ABLIM2: variants seen among roughly 807,000 people sequenced by gnomAD.
The protein encoded by ABLIM2 is actin-binding LIM protein 2.
ABLIM2 carries 53 observed loss-of-function variants against 97.7 expected under a neutral mutation model. The observed-to-expected ratio is 0.54, with a 90% confidence interval of 0.44 to 0.68. The LOEUF is 0.68. ABLIM2 is among the 30% of genes least tolerant of loss of function. The pLI is 0.00. For missense variants in ABLIM2, 835 were observed against 867.2 expected (o/e 0.96, Z 0.47); for synonymous variants, 361 against 345.8 (o/e 1.04, Z -0.49).
In ABLIM2 at chr4:8,140,182, C is replaced by T. The variant is rs948083739; in HGVS notation, c.10+18498G>A. ...ATACCTTGGTGTGGGTTAACAGGTG[C>T]GGCAAACCACCATGGCACACGTTTA... is the stretch of plus-strand genomic sequence containing the variant. On this transcript the variant is annotated intron_variant, in intron 1 of 20. Transcript: ENST00000447017. The surrounding 1 kb of genome is among the most constrained non-coding windows in gnomAD (Gnocchi z 5.9). Among the ~76,000 whole-genome samples the T allele has an allele frequency of 3.9e-5, 6 of 152,066 alleles. No homozygotes were observed. In the South Asian group the frequency reaches 8.3e-4, roughly 21 times the overall value.
rs938584994 is a variant in ABLIM2, at chr4:8,069,769, A to G, written c.675+7859T>C. The stretch of plus-strand genomic sequence containing the variant: ...TGTCTGTGTACGTTTCGGTGTGTCC[A>G]TGCATGTTGTCTGTGTCTCTCCGTG... On this transcript the variant is annotated intron_variant, in intron 6 of 20. Transcript: ENST00000447017. This position sits in a 1 kb window ranked among gnomAD's most constrained non-coding sequence, Gnocchi z 4.2. 1.3e-5 allele frequency among the ~76,000 whole-genome samples: 2 copies of G among 149,202 alleles called. No individual in the cohort carries two copies. The highest frequency in any genetic ancestry group is 3.0e-5 in the Non-Finnish European group (2 of 67,418).
At chr4:8,035,585 A>G (rs1240500525) in intron 10 of ABLIM2, among the ~76,000 whole-genome samples, 2 of 152,206 alleles carry the variant, frequency 1.3e-5, no homozygotes, top group Non-Finnish European at 2.9e-5. Flanking sequence ...GCAAAAACCA[A>G]CAAGGCATTC....
intron 8 of ABLIM2, among the ~76,000 whole-genome samples, chr4:8,050,290 C>T (rs1469430825): frequency 6.6e-6 from 1 of 152,196 alleles, no homozygotes; most frequent in African/African-American, 2.4e-5. Context: ...GTGGACAGGT[C>T]CTTGTCCTGG....
In ABLIM2 at chr4:8,046,435, C is replaced by G. The variant is rs901769155; in HGVS notation, c.823-1194G>C. On this transcript the variant is annotated intron_variant, in intron 8 of 20. Transcript: ENST00000447017. The surrounding 1 kb of genome is among the most constrained non-coding windows in gnomAD (Gnocchi z 4.4). ...CCCCACGCCTCCTATTCACCCTGTC[C>G]AAAAGAAGCCCATATCCACAGAGGC... Among the ~76,000 whole-genome samples, 2 of 152,144 alleles carry G rather than the reference C, an allele frequency of 1.3e-5. No individual in the cohort carries two copies. The highest frequency in any genetic ancestry group is 4.8e-5 in the African/African-American group (2 of 41,426).
In ABLIM2 at chr4:8,085,453, C is replaced by A. The variant is rs1173493866; in HGVS notation, c.454+2716G>T. ...GCCATTCCCATTCCCCGCCCCCACG[C>A]TGCAGCCCCGTCCACTCACACGGGT... On this transcript the variant is annotated intron_variant, in intron 4 of 20. Transcript: ENST00000447017. This position sits in a 1 kb window ranked among gnomAD's most constrained non-coding sequence, Gnocchi z 6.1. Among the ~76,000 whole-genome samples, 2 of 152,178 alleles carry A rather than the reference C, an allele frequency of 1.3e-5. No individual in the cohort carries two copies. The highest frequency in any genetic ancestry group is 4.8e-5 in the African/African-American group (2 of 41,456).
At chr4:8,034,016 G>A (rs539193191) in intron 10 of ABLIM2, among the ~76,000 whole-genome samples, 9 of 152,334 alleles carry the variant, frequency 5.9e-5, no homozygotes, top group Admixed American at 2.6e-4. Context: ...GAGGAGGATC[G>A]TGAGGCCAGT....
At position 7,978,532 on chromosome 4, in the gene ABLIM2, C is replaced by T. The variant is rs181821859; in HGVS notation, c.1824+4732G>A. Among the ~76,000 whole-genome samples the T allele has an allele frequency of 2.4e-3, 366 of 152,342 alleles. 3 individuals carry two copies. The highest frequency in any genetic ancestry group is 8.1e-3 in the African/African-American group (338 of 41,582). The stretch of plus-strand genomic sequence containing the variant: ...GTGAGTCCCAACAGGCCCCTGGACG[C>T]TGCTGCTGGGCCAGGAGCTGCCAGA... On this transcript the variant is annotated intron_variant, in intron 20 of 20. Transcript: ENST00000447017.
At chr4:8,133,243 C>T (rs1385350827) in intron 1 of ABLIM2, among the ~76,000 whole-genome samples, 1 of 152,180 alleles carries the variant, frequency 6.6e-6, no homozygotes, top group African/African-American at 2.4e-5. Context: ...CCGCAATGAC[C>T]CTACCACCAA....
At chr4:8,107,088 C>A (rs187784425) in intron 1 of ABLIM2, among the ~76,000 whole-genome samples, 1 of 152,376 alleles carries the variant, frequency 6.6e-6, no homozygotes, top group East Asian at 1.9e-4. Context: ...AACATCCTCT[C>A]TTCTGCCAGT....
chr4:8,091,789 TTATAGAATTAATATATTATA>T, intron 3 of ABLIM2, among the ~76,000 whole-genome samples: 1 of 89,798 alleles, frequency 1.1e-5, no homozygotes, highest in Non-Finnish European at 1.8e-5. Context: ...ATATTAATAA[TTATAGAATTAATATATTATA>T]TATTATATAA....
chr4:8,081,299 C>T (rs1819667415), intron 4 of ABLIM2, among the ~76,000 whole-genome samples: 1 of 152,220 alleles, frequency 6.6e-6, no homozygotes, highest in Non-Finnish European at 1.5e-5. Flanking sequence ...TGGCGCTCTC[C>T]ACCCCGTGGC....
intron 1 of ABLIM2, among the ~76,000 whole-genome samples, chr4:8,135,166 G>A (rs1052771178): frequency 3.3e-5 from 5 of 152,190 alleles, no homozygotes; most frequent in Non-Finnish European, 5.9e-5. Context: ...AAGGTAGGGA[G>A]AACATTCCAG....
In ABLIM2 at chr4:8,001,503, C is replaced by T. The variant is rs1379478614; in HGVS notation, c.1618+6556G>A. Among the ~76,000 whole-genome samples the T allele has an allele frequency of 6.6e-6, 1 of 152,122 alleles. No individual in the cohort carries two copies. Among genetic ancestry groups the T allele is most frequent in the African/African-American group, 2.4e-5 (1 of 41,422 alleles). ...GCCACTGTCCTCGGGGTGGTGTATA[C>T]CTCCAGCCACAGCATCTTCTCCTGG... On this transcript the variant is annotated intron_variant, in intron 16 of 20. Transcript: ENST00000447017. The surrounding 1 kb of genome is among the most constrained non-coding windows in gnomAD (Gnocchi z 4.2).
rs1791314455 is a variant in ABLIM2, at chr4:8,044,931, G to A, written c.900+233C>T. Among the ~76,000 whole-genome samples, 1 of 152,164 alleles carries A rather than the reference G, an allele frequency of 6.6e-6. No individual in the cohort carries two copies. On this transcript the variant is annotated intron_variant, in intron 9 of 20. Transcript: ENST00000447017. This position sits in a 1 kb window ranked among gnomAD's most constrained non-coding sequence, Gnocchi z 4.4. ...GTGTGGCTCTTGTCACCAGATAATT[G>A]GGGACAGGTTCCCAGGGGAATTGCC...
At chr4:7,983,208 C>G (rs998393892) in intron 20 of ABLIM2, 56 bp downstream of exon 20, 79 of 1,542,318 alleles carry the variant, frequency 5.1e-5, no homozygotes, top group Admixed American at 9.6e-5. Context: ...GAGGAGGCAT[C>G]TGCGGGGACT....
intron 3 of ABLIM2, among the ~76,000 whole-genome samples, chr4:8,089,197 G>C (rs866599266): frequency 1.3e-5 from 2 of 152,196 alleles, no homozygotes; most frequent in Non-Finnish European, 2.9e-5. Flanking sequence ...CCTGCAGTCC[G>C]GGGATGTCTT....
intron 1 of ABLIM2, among the ~76,000 whole-genome samples, chr4:8,129,214 C>G (rs900092009): frequency 6.6e-6 from 1 of 152,164 alleles, no homozygotes; most frequent in East Asian, 1.9e-4. Context: ...TCAGAGGAAA[C>G]ACTCTCAATG....
intron 1 of ABLIM2, among the ~76,000 whole-genome samples, chr4:8,135,401 C>T (rs1341764293): frequency 2.0e-5 from 3 of 152,316 alleles, no homozygotes; most frequent in African/African-American, 7.2e-5. Flanking sequence ...TGTCGAAGTC[C>T]TTGCCCCCAG....
rs568693719 is a variant in ABLIM2, at chr4:8,118,757, C to T, written c.11-12120G>A. Among the ~76,000 whole-genome samples, 126 of 152,206 alleles carry T rather than the reference C, an allele frequency of 8.3e-4. 2 individuals carry two copies. Among genetic ancestry groups the T allele is most frequent in the Non-Finnish European group, 3.7e-4 (25 of 68,038 alleles). On this transcript the variant is annotated intron_variant, in intron 1 of 20. Coordinates refer to ENST00000447017, the MANE Select transcript of ABLIM2 (RefSeq NM_001130083.2). ...TTCCTGCTCCGGGGAGCACTGTGTG[C>T]CCATCTCACCTGGGAAGACCCTACT... is the stretch of plus-strand genomic sequence containing the variant.
Sources: gnomAD v4.1 joint callset for allele counts (sites outside exome capture counted in the v4.1 genomes callset) on GRCh38, gnomAD v4.1.1 for gene constraint, Gnocchi (gnomAD v3.1) non-coding constraint, MANE v1.5 for transcripts, NCBI Gene and HGNC (gene_info 2026-07-23, HGNC 2026-07-21) for gene names.